IQCK: variants seen among roughly 807,000 people sequenced by gnomAD.
IQCK encodes the protein IQ domain-containing protein K.
IQCK carries 29 observed loss-of-function variants against 28.1 expected under a neutral mutation model. The observed-to-expected ratio is 1.03, with a 90% CI of 0.77 to 1.41. The LOEUF (loss-of-function observed/expected upper bound fraction) is 1.41. IQCK is among the 40% of genes most tolerant of loss of function. IQCK has a pLI of 0.00. For missense variants in IQCK, 359 were observed against 314.7 expected, an observed-to-expected ratio of 1.14 and a Z score of -1.07; for synonymous variants, 113 against 115.1, an observed-to-expected ratio of 0.98 and a Z score of 0.12.
In IQCK at chr16:19,804,918, G is replaced by A. The variant is rs564162423; in HGVS notation, c.690+15996G>A. ...AAGTTCCAACAATCGTTGTTTAAGC[G>A]CCAGATTCTTTTTTCCTTCTGCTTT... is the stretch of plus-strand genomic sequence containing the variant. On this transcript the variant is annotated intron_variant, in intron 7 of 7. Coordinates refer to ENST00000564186, the Ensembl canonical transcript of IQCK. Among the ~76,000 whole-genome samples, 8 of 152,232 alleles carry A rather than the reference G, an allele frequency of 5.3e-5. No individual in the cohort carries two copies. The South Asian group carries it at 1.2e-3, about 24-fold the overall frequency.
intron 4 of IQCK, among the ~76,000 whole-genome samples, chr16:19,757,178 C>G (rs956646739): frequency 2.6e-5 from 4 of 152,294 alleles, no homozygotes; most frequent in African/African-American, 9.6e-5. Context: ...CCGTAGCCAG[C>G]CACACTTCAG....
At chr16:19,780,128 G>A (rs1264683618) in intron 6 of IQCK, among the ~76,000 whole-genome samples, 2 of 151,486 alleles carry the variant, frequency 1.3e-5, no homozygotes, top group African/African-American at 2.4e-5. Flanking sequence ...AGCAACTTCC[G>A]CCTCCTAAGT....
chr16:19,779,982 G>C (rs2055454902), intron 6 of IQCK, among the ~76,000 whole-genome samples: 1 of 150,354 alleles, frequency 6.7e-6, no homozygotes, highest in East Asian at 2.0e-4. Context: ...CTCCCAAAGT[G>C]CTGGGACCTT....
At chr16:19,856,651 G>T in exon 10 of IQCK, 2 of 895,822 alleles carry the variant, frequency 2.2e-6, no homozygotes. Context: ...AACAAGACTT[G>T]GAACATGTGC....
At chr16:19,822,976 C>T (rs545884060) in intron 7 of IQCK, among the ~76,000 whole-genome samples, 142 of 151,962 alleles carry the variant, frequency 9.3e-4, no homozygotes, top group African/African-American at 3.3e-3. Context: ...AAGAGGTGGC[C>T]CCTCTATCAA....
intron 9 of IQCK, among the ~76,000 whole-genome samples, chr16:19,856,101 T>G (rs1353920870): frequency 6.6e-6 from 1 of 151,734 alleles, no homozygotes; most frequent in Non-Finnish European, 1.5e-5. Context: ...ATACCCTGAG[T>G]TTTCCATTTT....
At chr16:19,722,466 C>G (rs1178069235) in intron 1 of IQCK, among the ~76,000 whole-genome samples, 2 of 152,156 alleles carry the variant, frequency 1.3e-5, no homozygotes, top group South Asian at 2.1e-4. Flanking sequence ...CCACCATGAC[C>G]CTATATCCTC....
chr16:19,828,456 T>A (rs2056181820), downstream of IQCK, among the ~76,000 whole-genome samples: 1 of 148,776 alleles, frequency 6.7e-6, no homozygotes, highest in Non-Finnish European at 1.5e-5. Context: ...CAGGCTAGTC[T>A]CAAACTCCTG....
intron 9 of IQCK, 109 bp from the exon 9 acceptor site, chr16:19,856,378 G>A: frequency 1.2e-6 from 1 of 805,240 alleles, no homozygotes; most frequent in Non-Finnish European, 2.1e-6. Flanking sequence ...GCGCACAGTG[G>A]GTTTTGGTGC....
intron 6 of IQCK, among the ~76,000 whole-genome samples, chr16:19,768,701 G>A (rs560898345): frequency 2.6e-5 from 4 of 152,144 alleles, no homozygotes; most frequent in South Asian, 2.1e-4. Flanking sequence ...AGCCAAGTTC[G>A]CACCACTGCA....
At chr16:19,854,740 G>A (rs1378865829) in intron 9 of IQCK, among the ~76,000 whole-genome samples, 1 of 152,194 alleles carries the variant, frequency 6.6e-6, no homozygotes, top group Admixed American at 6.5e-5. Flanking sequence ...AATGGCAAAT[G>A]ATACAACTCG....
intron 6 of IQCK, among the ~76,000 whole-genome samples, chr16:19,774,890 AAGAG>A (rs1243096099): frequency 1.3e-5 from 2 of 152,168 alleles, no homozygotes; most frequent in Middle Eastern, 3.2e-3. Flanking sequence ...TTTTGAGAAG[AAGAG>A]AGAAAGACAG....
chr16:19,755,056 G>C (rs2055034465), intron 4 of IQCK, among the ~76,000 whole-genome samples: 1 of 152,134 alleles, frequency 6.6e-6, no homozygotes, highest in South Asian at 2.1e-4. Flanking sequence ...TTTGCAGTTT[G>C]CTATAAATAT....
chr16:19,763,518 C>T (rs2055180437), intron 4 of IQCK, among the ~76,000 whole-genome samples: 1 of 152,110 alleles, frequency 6.6e-6, no homozygotes, highest in Admixed American at 6.5e-5. Flanking sequence ...TCTCGGCTCA[C>T]TGCAACCTCC....
At chr16:19,738,119 C>T (rs2054782218) in intron 4 of IQCK, among the ~76,000 whole-genome samples, 1 of 152,204 alleles carries the variant, frequency 6.6e-6, no homozygotes, top group Non-Finnish European at 1.5e-5. Flanking sequence ...GGGACAGATT[C>T]TCTGATTTAT....
chr16:19,728,596 GAGC>G (rs1977732346), intron 1 of IQCK, among the ~76,000 whole-genome samples: 1 of 152,100 alleles, frequency 6.6e-6, no homozygotes, highest in Non-Finnish European at 1.5e-5. Flanking sequence ...AACAACCAAT[GAGC>G]TTGGAAAAGT....
intron 4 of IQCK, among the ~76,000 whole-genome samples, chr16:19,737,819 C>T (rs185405222): frequency 1.6e-4 from 25 of 152,080 alleles, no homozygotes; most frequent in African/African-American, 5.8e-4. Flanking sequence ...ACCTCACGGC[C>T]TCTGTGCATC....
chr16:19,776,472 A>G (rs2055396456), intron 6 of IQCK, among the ~76,000 whole-genome samples: 2 of 152,178 alleles, frequency 1.3e-5, no homozygotes, highest in Admixed American at 6.6e-5. Context: ...TGGGAGACCA[A>G]GATGGGCAGA....
chr16:19,827,030 G>C (rs762042233), exon 8 of IQCK: 63 of 1,611,080 alleles, frequency 3.9e-5, no homozygotes, highest in Non-Finnish European at 5.1e-5. Flanking sequence ...TTCCAGGTTC[G>C]CTGTGATCCT....
Sources: gnomAD v4.1 joint callset for allele counts (sites outside exome capture counted in the v4.1 genomes callset) on GRCh38, gnomAD v4.1.1 for gene constraint, MANE v1.5 for transcripts, NCBI Gene and HGNC (gene_info 2026-07-23, HGNC 2026-07-21) for gene names.